TBX22: variants seen among roughly 807,000 people sequenced by gnomAD.
TBX22 encodes T-box transcription factor 22, also known as T-box transcription factor TBX22.
In TBX22, 8 loss-of-function variants were observed where a neutral mutation model predicts 30.1. The observed-to-expected ratio is 0.27, with a 90% confidence interval of 0.16 to 0.48. The LOEUF (loss-of-function observed/expected upper bound fraction) is 0.48. Ranked by LOEUF, TBX22 falls within the 20% of genes least tolerant of loss-of-function variation. TBX22 has a pLI of 0.99. For missense variants in TBX22, 463 were observed against 400.5 expected (o/e 1.16, Z -1.33); for synonymous variants, 173 against 149.1 (o/e 1.16, Z -1.17).
intron 4 of TBX22, among the ~76,000 whole-genome samples, chrX:80,024,761 C>T (rs1923891932): frequency 8.9e-6 from 1 of 111,771 alleles, no homozygotes; most frequent in Admixed American, 9.5e-5. Context: ...AGCCCTCAAC[C>T]TACAGCAGGC....
chrX:80,018,257 T>G lies in TBX22; in HGVS notation c.-3+3370T>G, dbSNP rs145641932. Among the ~76,000 whole-genome samples the G allele has an allele frequency of 5.6e-3, 631 of 112,144 alleles. 5 individuals carry two copies. Among genetic ancestry groups the G allele is most frequent in the African/African-American group, 0.019 (586 of 30,940 alleles). ...TTAGGGTCTTGTCATTAACACATTTTATCTAATCATATAAGAACATACACT... is the reference window on the plus strand; with the variant it reads ...TTAGGGTCTTGTCATTAACACATTTGATCTAATCATATAAGAACATACACT... On this transcript the variant is annotated intron_variant, in intron 1 of 8. Transcript: ENST00000373296.
chrX:80,025,698 C>T lies in TBX22; in HGVS notation c.554C>T (p.Ser185Leu), dbSNP rs765734398. The T allele has an allele frequency of 1.0e-4, 124 of 1,208,082 alleles. 1 individual carries two copies. Among genetic ancestry groups the T allele is most frequent in the Middle Eastern group, 2.3e-4 (1 of 4,352 alleles). Residue 185 changes from serine (S) to leucine (L), a missense_variant, in exon 5 of 9, where the codon TCG (serine) becomes TTG (leucine). Ser to Leu is a moderately radical substitution (Grantham distance 145, BLOSUM62 -2). Transcript: ENST00000373296. ...RFYVHPDSPC[S>L]GETWMRQIIS... The stretch of plus-strand genomic sequence containing the variant: ...TATGTTCACCCGGACTCACCCTGCT[C>T]GGGAGAGACCTGGATGCGGCAGATC...
At chrX:80,029,403 CAT>C (rs1399053289) in intron 8 of TBX22, among the ~76,000 whole-genome samples, 1 of 111,988 alleles carries the variant, frequency 8.9e-6, no homozygotes, top group Non-Finnish European at 1.9e-5. Flanking sequence ...GCTAGGCAAA[CAT>C]AAAAAATCAG....
At chrX:80,022,725 A>G in intron 2 of TBX22, 1 of 420,334 alleles carries the variant, frequency 2.4e-6, no homozygotes. Flanking sequence ...TGGCTGCTGT[A>G]TCCTGGGATG....
chrX:80,031,226 C>A lies in TBX22; in HGVS notation c.*115C>A, dbSNP rs41310697. The A allele has an allele frequency of 1.6e-4, 111 of 678,074 alleles. No homozygotes were observed. The highest frequency in any genetic ancestry group is 2.1e-4 in the Non-Finnish European group (98 of 465,056). 55.9% of individuals were successfully genotyped at this position (678,074 alleles called of 1,213,427 possible). A position where few individuals can be genotyped will look rare whatever the true frequency, so the allele number is the denominator to read the frequency against. On this transcript the variant is annotated 3_prime_UTR_variant, in exon 9 of 9. Coordinates refer to ENST00000373296, the MANE Select transcript of TBX22 (RefSeq NM_001109878.2). ...AAAGCATCATTACAATACAGTATTT[C>A]TTTGTTATACATTTAAAGATTTAAA... is the stretch of plus-strand genomic sequence containing the variant.
intron 2 of TBX22, 129 bp from the exon 3 acceptor site, chrX:80,022,931 G>C: frequency 9.0e-6 from 6 of 664,223 alleles, no homozygotes; most frequent in Non-Finnish European, 1.4e-5. Flanking sequence ...GCGGAGCTTG[G>C]GGAATCTGTC....
At chrX:80,027,373 A>AT in intron 7 of TBX22, 53 bp downstream of exon 7, 86 of 549,989 alleles carry the variant, frequency 1.6e-4, no homozygotes, top group Non-Finnish European at 2.4e-4. Flanking sequence ...TATTTTCACA[A>AT]GTTTTTTTTT....
intron 1 of TBX22, among the ~76,000 whole-genome samples, chrX:80,015,648 CCA>C (rs924288095): frequency 3.6e-5 from 4 of 110,905 alleles, no homozygotes; most frequent in Non-Finnish European, 7.6e-5. Flanking sequence ...AGCACACATA[CCA>C]CACACACACA....
At chrX:80,014,962 T>A (rs1365926342) in intron 1 of TBX22, 75 bp downstream of exon 1, 5 of 111,674 alleles carry the variant, frequency 4.5e-5, no homozygotes, top group African/African-American at 1.6e-4. Context: ...CTCAGCCTCT[T>A]CCTCTCCTGT....
chrX:80,031,171 C>T lies in TBX22; in HGVS notation c.*60C>T. On this transcript the variant is annotated 3_prime_UTR_variant, in exon 9 of 9. Transcript: ENST00000373296. Reference sequence around the variant, plus strand: ...AACAAATATTTTCTTTATTTGTAGCCAAAGAAATTTCAACAGTTATTGGGC... The same window carrying T: ...AACAAATATTTTCTTTATTTGTAGCTAAAGAAATTTCAACAGTTATTGGGC... 9.1e-7 allele frequency: 1 copy of T among 1,094,513 alleles called. No individual in the cohort carries two copies. The highest frequency in any genetic ancestry group is 1.2e-6 in the Non-Finnish European group (1 of 806,034). The allele number at this position is 1,094,513 out of a possible 1,213,427, so 90.2% of individuals were successfully genotyped here. A position where few individuals can be genotyped will look rare whatever the true frequency, so the allele number is the denominator to read the frequency against.
In TBX22 at chrX:80,030,527, T is replaced by G. The variant is rs1924196713; in HGVS notation, c.979T>G (p.Ser327Ala). Residue 327 changes from serine to alanine, a missense_variant, in exon 9 of 9, where the codon TCT (serine) becomes GCT (alanine). Ser to Ala is a moderately conservative substitution (Grantham distance 99, BLOSUM62 1). Transcript: ENST00000373296. Reference sequence around the variant, plus strand: ...AAGCAGTGGCTCATCTCCAGTGACCTCTAGTGGAGGGGCCCCCTCTCCTTT... The same window carrying G: ...AAGCAGTGGCTCATCTCCAGTGACCGCTAGTGGAGGGGCCCCCTCTCCTTT... The part of the protein sequence containing the change: ...SGSSGSSPVT[S>A]SGGAPSPLNS... The G allele has an allele frequency of 1.7e-6, 2 of 1,211,029 alleles. No homozygotes were observed. The highest frequency in any genetic ancestry group is 2.2e-6 in the Non-Finnish European group (2 of 894,792).
intron 1 of TBX22, among the ~76,000 whole-genome samples, chrX:80,017,280 T>TTGTG (rs3048747): frequency 0.03 from 2,832 of 93,917 alleles, 60 homozygotes; most frequent in East Asian, 0.071. Flanking sequence ...GGTGTTGTTT[T>TTGTG]TGTGTGTGTG....
At chrX:80,017,288 G>A (rs935090341) in intron 1 of TBX22, among the ~76,000 whole-genome samples, 11 of 106,735 alleles carry the variant, frequency 1.0e-4, no homozygotes, top group Non-Finnish European at 2.1e-4. Flanking sequence ...TTTTGTGTGT[G>A]TGTGTGTGTG....
rs774635933 is a variant in TBX22 at position 80,023,976 on chromosome X, T to A, written c.357-87T>A. ...GGGTATTGTGAGTCCCTTCACTTTTTACTGGAGTCAGCATTTGTCCAGAAA... is the reference window on the plus strand; with the variant it reads ...GGGTATTGTGAGTCCCTTCACTTTTAACTGGAGTCAGCATTTGTCCAGAAA... On this transcript the variant is annotated intron_variant, in intron 3 of 8. Coordinates refer to ENST00000373296, the MANE Select transcript of TBX22 (RefSeq NM_001109878.2). The A allele has an allele frequency of 2.3e-5, 20 of 879,771 alleles. No homozygotes were observed. In the South Asian group the frequency reaches 3.7e-4, roughly 16 times the overall value. The allele number at this position is 879,771 out of a possible 1,213,427, so 72.5% of individuals were successfully genotyped here.
At chrX:80,016,378 G>T (rs1923436984) in intron 1 of TBX22, among the ~76,000 whole-genome samples, 1 of 111,930 alleles carries the variant, frequency 8.9e-6, no homozygotes, top group South Asian at 3.7e-4. Context: ...AGAGCCAGAT[G>T]ATGACTCACT....
intron 4 of TBX22, among the ~76,000 whole-genome samples, chrX:80,024,708 G>A (rs1238406774): frequency 1.8e-5 from 2 of 111,976 alleles, no homozygotes; most frequent in African/African-American, 6.5e-5. Context: ...CTGAAGTAAT[G>A]TCTGGGTCTT....
At chrX:80,020,412 A>G (rs1041258286) in intron 1 of TBX22, among the ~76,000 whole-genome samples, 5 of 111,746 alleles carry the variant, frequency 4.5e-5, no homozygotes, top group Non-Finnish European at 9.4e-5. Flanking sequence ...GGGTGCGAAA[A>G]GAAACGAATG....
Position 80,028,022 on chromosome X carries a change from C to A in TBX22, c.895C>A (p.Pro299Thr), listed in dbSNP as rs1259647651. 2 of 1,210,657 alleles carry A rather than the reference C, an allele frequency of 1.7e-6. No individual in the cohort carries two copies. Among genetic ancestry groups the A allele is most frequent in the Non-Finnish European group, 2.2e-6 (2 of 894,699 alleles). ...ATTGGATGGGCTTTTAGAGACCTAC[C>A]CATGGAGGCCTTCTTTCACTCTCGA... ...GVLDGLLETY[P>T]WRPSFTLDFK... The change falls in exon 8 of 9, where the codon CCA becomes ACA. Residue 299 changes from proline to threonine, a missense_variant. Coordinates refer to ENST00000373296, the MANE Select transcript of TBX22 (RefSeq NM_001109878.2).
At chrX:80,028,782 G>T (rs760719669) in intron 8 of TBX22, among the ~76,000 whole-genome samples, 7 of 110,815 alleles carry the variant, frequency 6.3e-5, no homozygotes, top group Middle Eastern at 4.6e-3. Context: ...CATCGAAGTT[G>T]CTTGTCTTTG....
Sources: gnomAD v4.1 joint callset for allele counts (sites outside exome capture counted in the v4.1 genomes callset) on GRCh38, gnomAD v4.1.1 for gene constraint, MANE v1.5 for transcripts, NCBI Gene and HGNC (gene_info 2026-07-23, HGNC 2026-07-21) for gene names.